The following NLGN1 variants were observed in gnomAD, a reference collection of about 807,000 sequenced individuals.
NLGN1 encodes neuroligin-1.
NLGN1 carries 12 observed loss-of-function variants against 65.5 expected under a neutral mutation model. That is an observed-to-expected ratio of 0.18 (90% CI 0.12 to 0.30). The LOEUF (loss-of-function observed/expected upper bound fraction) is 0.30, where lower values mean the gene tolerates loss of function less well. NLGN1 is among the 10% of genes least tolerant of loss of function. The probability of loss-of-function intolerance (pLI) is 1.00; values close to 1 mark genes in which losing one functional copy is unlikely to be tolerated. For synonymous variants in NLGN1, 350 were observed against 359.5 expected, an observed-to-expected ratio of 0.97 and a Z score of 0.30; for missense variants, 750 against 1,007.1, an observed-to-expected ratio of 0.74 and a Z score of 3.46.
downstream of NLGN1, among the ~76,000 whole-genome samples, chr3:174,288,042 T>C (rs1752328449): frequency 1.3e-5 from 2 of 151,624 alleles, no homozygotes; most frequent in South Asian, 4.1e-4. Context: ...ATACAACTAT[T>C]GTCAAGTTTG....
chr3:173,509,534 G>A (rs1478745770), intron 2 of NLGN1, among the ~76,000 whole-genome samples: 1 of 152,102 alleles, frequency 6.6e-6, no homozygotes, highest in African/African-American at 2.4e-5. Context: ...GGTCACCTGA[G>A]CTTGGGAAGT....
chr3:173,926,639 G>A (rs534086550), intron 4 of NLGN1, among the ~76,000 whole-genome samples: 10 of 152,172 alleles, frequency 6.6e-5, no homozygotes, highest in African/African-American at 1.9e-4. Flanking sequence ...TTTACCTCAC[G>A]AGATTTTCAT....
chr3:173,638,976 G>A (rs984406654), intron 3 of NLGN1, among the ~76,000 whole-genome samples: 1 of 152,210 alleles, frequency 6.6e-6, no homozygotes, highest in African/African-American at 2.4e-5. Context: ...TTCAAGAGAA[G>A]TGATTGTTCT....
chr3:173,572,831 T>G (rs1235109280), intron 2 of NLGN1, among the ~76,000 whole-genome samples: 1 of 152,188 alleles, frequency 6.6e-6, no homozygotes, highest in Non-Finnish European at 1.5e-5. Flanking sequence ...CTTGTCTTCC[T>G]TTGCCTTAAT....
chr3:174,126,511 A>G (rs1577008540), intron 4 of NLGN1, among the ~76,000 whole-genome samples: 1 of 152,142 alleles, frequency 6.6e-6, no homozygotes, highest in Non-Finnish European at 1.5e-5. Context: ...GTAAGATTAA[A>G]TATTTATGTA....
In NLGN1 at chr3:173,523,786, G is replaced by C. The variant is rs145732923; in HGVS notation, c.-320-80493G>C. 5.5e-3 allele frequency among the ~76,000 whole-genome samples: 827 copies of C among 151,522 alleles called. 12 individuals are homozygous for C. The highest frequency in any genetic ancestry group is 0.019 in the African/African-American group (786 of 41,382). On this transcript the variant is annotated intron_variant, in intron 2 of 6. Coordinates refer to ENST00000457714, the Ensembl canonical transcript of NLGN1. ...ATTTTTGATTGCTTTTTATAATTCT[G>C]TGAAAAATGGCATTGACCATTTGAT...
intron 3 of NLGN1, among the ~76,000 whole-genome samples, chr3:173,753,915 C>G (rs566323348): frequency 2.0e-4 from 24 of 120,648 alleles, no homozygotes; most frequent in Non-Finnish European, 3.5e-4. Flanking sequence ...AAATGCTCTT[C>G]CCCCAGTATC....
intron 4 of NLGN1, among the ~76,000 whole-genome samples, chr3:173,985,198 T>C (rs1006997609): frequency 6.6e-6 from 1 of 152,230 alleles, no homozygotes; most frequent in African/African-American, 2.4e-5. Context: ...ATAACATTTC[T>C]CTGTCTTATT....
chr3:173,580,915 A>G (rs925947896), intron 2 of NLGN1, among the ~76,000 whole-genome samples: 1 of 107,854 alleles, frequency 9.3e-6, no homozygotes, highest in African/African-American at 3.1e-5. Flanking sequence ...TTTAAAGTCA[A>G]CTCTCCTATG....
At chr3:173,682,374 G>A (rs1410503143) in intron 3 of NLGN1, among the ~76,000 whole-genome samples, 1 of 151,944 alleles carries the variant, frequency 6.6e-6, no homozygotes, top group African/African-American at 2.4e-5. Context: ...TGGATCACGA[G>A]GTCAAGAGAT....
At chr3:173,779,195 G>A (rs1280103569) in intron 3 of NLGN1, among the ~76,000 whole-genome samples, 1 of 151,686 alleles carries the variant, frequency 6.6e-6, no homozygotes, top group African/African-American at 2.4e-5. Context: ...CTAGATATTA[G>A]CTCAAAATTT....
chr3:173,994,621 A>G (rs1348409243), intron 4 of NLGN1, among the ~76,000 whole-genome samples: 1 of 152,154 alleles, frequency 6.6e-6, no homozygotes, highest in Non-Finnish European at 1.5e-5. Context: ...TTACTGTGAA[A>G]CATTTTGTTT....
At chr3:173,640,138 A>G (rs1237583401) in intron 3 of NLGN1, among the ~76,000 whole-genome samples, 1 of 152,222 alleles carries the variant, frequency 6.6e-6, no homozygotes, top group Non-Finnish European at 1.5e-5. Context: ...AGTATGTAAC[A>G]TATAAAGGAT....
At chr3:174,225,415 A>G (rs1163555221) in intron 4 of NLGN1, among the ~76,000 whole-genome samples, 1 of 152,160 alleles carries the variant, frequency 6.6e-6, no homozygotes, top group Non-Finnish European at 1.5e-5. Context: ...CATGTCTTAT[A>G]CTATGGCTTT....
At position 173,523,040 on chromosome 3, in the gene NLGN1, T is replaced by C. The variant is rs530302419; in HGVS notation, c.-320-81239T>C. ...AATGATTAGTTATATTGAGCATTTT[T>C]TATATGCATGTTGGACAGTTGTATG... On this transcript the variant is annotated intron_variant, in intron 2 of 6. Transcript: ENST00000457714. 2.6e-4 allele frequency among the ~76,000 whole-genome samples: 40 copies of C among 151,792 alleles called. 1 individual carries two copies. Among genetic ancestry groups the C allele is most frequent in the African/African-American group, 9.4e-4 (39 of 41,518 alleles).
At chr3:174,029,332 A>G (rs2152470308) in intron 4 of NLGN1, among the ~76,000 whole-genome samples, 1 of 152,330 alleles carries the variant, frequency 6.6e-6, no homozygotes, top group East Asian at 1.9e-4. Context: ...ACATGGAGTC[A>G]AAAGAGATCA....
intron 4 of NLGN1, among the ~76,000 whole-genome samples, chr3:173,894,388 C>T (rs1056852596): frequency 6.6e-6 from 1 of 152,130 alleles, no homozygotes; most frequent in African/African-American, 2.4e-5. Flanking sequence ...AAAGAATACT[C>T]ATTGGAAGCT....
At chr3:174,226,091 T>G (rs1390324650) in intron 4 of NLGN1, among the ~76,000 whole-genome samples, 1 of 152,134 alleles carries the variant, frequency 6.6e-6, no homozygotes, top group Non-Finnish European at 1.5e-5. Flanking sequence ...CAAGACCAGT[T>G]ATGCCTCAGA....
At chr3:173,631,953 A>G (rs1380522750) in intron 3 of NLGN1, among the ~76,000 whole-genome samples, 2 of 152,118 alleles carry the variant, frequency 1.3e-5, no homozygotes, top group Non-Finnish European at 2.9e-5. Flanking sequence ...AGCCTACAAA[A>G]CATGATCCTG....
Sources: gnomAD v4.1 joint callset for allele counts (sites outside exome capture counted in the v4.1 genomes callset) on GRCh38, gnomAD v4.1.1 for gene constraint, MANE v1.5 for transcripts, NCBI Gene and HGNC (gene_info 2026-07-23, HGNC 2026-07-21) for gene names.